Variants in NPFFR2 observed in about 807,000 individuals in gnomAD.
The protein encoded by NPFFR2 is neuropeptide FF receptor 2.
A neutral mutation model predicts 13.1 loss-of-function variants in NPFFR2; 15 were observed. The observed-to-expected ratio is 1.15, with a 90% CI of 0.77 to 1.76. The LOEUF is 1.76. Ranked by LOEUF, NPFFR2 falls within the 40% of genes most tolerant of loss-of-function variation. The pLI is 0.00. For missense variants in NPFFR2, 572 were observed against 503.5 expected (o/e 1.14, Z -1.30); for synonymous variants, 190 against 175.7 (o/e 1.08, Z -0.65).
At chr4:72,144,922 G>T (rs1020379942) in intron 3 of NPFFR2, among the ~76,000 whole-genome samples, 1 of 152,028 alleles carries the variant, frequency 6.6e-6, no homozygotes, top group African/African-American at 2.4e-5. Flanking sequence ...ACTGGCCTTC[G>T]GGCTCAGGAA....
At chr4:72,055,390 C>T (rs1165960022) in intron 1 of NPFFR2, among the ~76,000 whole-genome samples, 1 of 151,936 alleles carries the variant, frequency 6.6e-6, no homozygotes, top group Non-Finnish European at 1.5e-5. Flanking sequence ...ACTGTGACTG[C>T]ATAAAATGGC....
intron 1 of NPFFR2, among the ~76,000 whole-genome samples, chr4:72,104,326 A>G (rs2109813148): frequency 6.6e-6 from 1 of 152,220 alleles, no homozygotes. Context: ...TCTCTCAGGC[A>G]TGGGACTTTG....
intron 1 of NPFFR2, among the ~76,000 whole-genome samples, chr4:72,072,075 C>CA (rs1163741689): frequency 1.3e-5 from 2 of 152,076 alleles, no homozygotes; most frequent in African/African-American, 2.4e-5. Context: ...GAAACAACAA[C>CA]AAAAAAAGCA....
At chr4:72,146,215 A>G (rs1221400930) in intron 3 of NPFFR2, among the ~76,000 whole-genome samples, 1 of 152,140 alleles carries the variant, frequency 6.6e-6, no homozygotes, top group Non-Finnish European at 1.5e-5. Flanking sequence ...GGAATCACTC[A>G]TGTTGCAGCA....
chr4:72,055,009 C>T (rs895661541), intron 1 of NPFFR2, among the ~76,000 whole-genome samples: 5 of 151,766 alleles, frequency 3.3e-5, no homozygotes, highest in African/African-American at 7.3e-5. Flanking sequence ...TTTATATGTA[C>T]ATATAATACA....
At chr4:72,075,539 T>C (rs1391758746) in intron 1 of NPFFR2, among the ~76,000 whole-genome samples, 1 of 152,074 alleles carries the variant, frequency 6.6e-6, no homozygotes, top group Non-Finnish European at 1.5e-5. Context: ...GACAGAATTA[T>C]AACTAAGGAA....
At chr4:72,055,842 C>T (rs1719729411) in intron 1 of NPFFR2, among the ~76,000 whole-genome samples, 1 of 151,940 alleles carries the variant, frequency 6.6e-6, no homozygotes, top group African/African-American at 2.4e-5. Context: ...CACAACATTC[C>T]CTTAAGTTGG....
intron 1 of NPFFR2, among the ~76,000 whole-genome samples, chr4:72,035,270 T>C (rs1048455809): frequency 5.3e-5 from 8 of 152,226 alleles, no homozygotes; most frequent in Non-Finnish European, 1.2e-4. Context: ...GTCTAGTACA[T>C]AGAAGACGCA....
intron 1 of NPFFR2, among the ~76,000 whole-genome samples, chr4:72,050,730 A>G (rs895482454): frequency 1.3e-5 from 2 of 151,536 alleles, no homozygotes; most frequent in African/African-American, 4.8e-5. Context: ...GTCATCTAGC[A>G]TTAGGTATAT....
chr4:72,140,875 G>T (rs372848581), intron 3 of NPFFR2, among the ~76,000 whole-genome samples: 1 of 152,122 alleles, frequency 6.6e-6, no homozygotes, highest in Non-Finnish European at 1.5e-5. Context: ...GAATTCAGCT[G>T]TGAATTCGTC....
At chr4:72,105,034 C>A (rs1232191741) in intron 1 of NPFFR2, among the ~76,000 whole-genome samples, 2 of 101,886 alleles carry the variant, frequency 2.0e-5, no homozygotes, top group Admixed American at 1.0e-4. Context: ...TGGTATAATG[C>A]ATATTTAATA....
chr4:72,068,037 C>T (rs1720125944), intron 1 of NPFFR2, among the ~76,000 whole-genome samples: 1 of 152,140 alleles, frequency 6.6e-6, no homozygotes, highest in African/African-American at 2.4e-5. Context: ...ACATTTACTT[C>T]AAAAGTTTTC....
At chr4:72,060,526 T>A (rs985208453) in intron 1 of NPFFR2, among the ~76,000 whole-genome samples, 1 of 152,112 alleles carries the variant, frequency 6.6e-6, no homozygotes, top group Non-Finnish European at 1.5e-5. Flanking sequence ...CTCCTCAATA[T>A]TATAACAAAA....
chr4:72,054,893 A>T (rs1233607170), intron 1 of NPFFR2, among the ~76,000 whole-genome samples: 1 of 151,832 alleles, frequency 6.6e-6, no homozygotes, highest in East Asian at 1.9e-4. Flanking sequence ...AAACAATGAG[A>T]CATCTCTACA....
chr4:72,060,691 A>G (rs1246915954), intron 1 of NPFFR2, among the ~76,000 whole-genome samples: 2 of 152,126 alleles, frequency 1.3e-5, no homozygotes, highest in Non-Finnish European at 2.9e-5. Context: ...CTGAGAATTT[A>G]GAACCCCGAG....
intron 1 of NPFFR2, among the ~76,000 whole-genome samples, chr4:72,041,149 T>TCCCTTCCC (rs1215150646): frequency 6.6e-6 from 1 of 152,120 alleles, no homozygotes; most frequent in Admixed American, 6.6e-5. Flanking sequence ...AATCCCTTCC[T>TCCCTTCCC]CCCTTCCCCT....
intron 2 of NPFFR2, among the ~76,000 whole-genome samples, chr4:72,137,626 C>G (rs947330585): frequency 2.0e-5 from 3 of 152,124 alleles, no homozygotes; most frequent in African/African-American, 7.2e-5. Context: ...ATTATTGCAT[C>G]AGAGTCAATG....
intron 1 of NPFFR2, 115 bp downstream of exon 1, chr4:72,032,315 T>G (rs1489539137): frequency 1.7e-6 from 2 of 1,195,746 alleles, no homozygotes; most frequent in Non-Finnish European, 2.3e-6. Context: ...ACACCTTGGA[T>G]TTTTCAAATC....
At chr4:72,146,207 A>C (rs1269354594) in intron 3 of NPFFR2, among the ~76,000 whole-genome samples, 1 of 152,152 alleles carries the variant, frequency 6.6e-6, no homozygotes, top group Non-Finnish European at 1.5e-5. Flanking sequence ...TTATAACTGG[A>C]ATCACTCATG....
Sources: allele counts gnomAD v4.1 joint callset (sites outside exome capture counted in the v4.1 genomes callset), GRCh38; gene constraint gnomAD v4.1.1; transcripts MANE v1.5; gene names NCBI Gene and HGNC (gene_info 2026-07-23, HGNC 2026-07-21).